The following TBC1D12 variants were observed in gnomAD, a reference collection of about 807,000 sequenced individuals.
TBC1D12 encodes TBC1 domain family member 12.
In TBC1D12, 56 loss-of-function variants were observed where a neutral mutation model predicts 86.7. The observed-to-expected ratio is 0.65, with a 90% CI of 0.52 to 0.81. TBC1D12 has a LOEUF of 0.81. Ranked by LOEUF, TBC1D12 falls within the 30% of genes least tolerant of loss-of-function variation. The pLI is 0.00. For missense variants in TBC1D12, 1,023 were observed against 1,038.8 expected (o/e 0.98, Z 0.21); for synonymous variants, 421 against 411.7 (o/e 1.02, Z -0.27).
At chr10:94,429,019 TAATAAAGAAC>T (rs2055182565) in intron 1 of TBC1D12, among the ~76,000 whole-genome samples, 1 of 152,178 alleles carries the variant, frequency 6.6e-6, no homozygotes, top group Non-Finnish European at 1.5e-5. Context: ...GATTGACTCT[TAATAAAGAAC>T]TCTGACCTGG....
At chr10:94,531,147 G>A in intron 11 of TBC1D12, 55 bp from the exon 12 acceptor site, 1 of 1,567,684 alleles carries the variant, frequency 6.4e-7, no homozygotes, top group African/African-American at 1.4e-5. Context: ...TGCTTACTGA[G>A]TAAATGAGTC....
chr10:94,429,045 CT>C (rs200788629), intron 1 of TBC1D12, among the ~76,000 whole-genome samples: 1,850 of 145,048 alleles, frequency 0.013, 28 homozygotes, highest in East Asian at 0.066. Flanking sequence ...CCTGGATAGT[CT>C]TTTTTTTTTT....
chr10:94,475,633 G>A (rs1487649128), intron 3 of TBC1D12, among the ~76,000 whole-genome samples: 5 of 151,922 alleles, frequency 3.3e-5, no homozygotes, highest in South Asian at 4.1e-4. Flanking sequence ...ACAGGGTTTC[G>A]CCATGTTGGC....
intron 9 of TBC1D12, among the ~76,000 whole-genome samples, chr10:94,519,409 A>G (rs746686506): frequency 1.6e-4 from 25 of 152,022 alleles, no homozygotes; most frequent in Non-Finnish European, 2.8e-4. Flanking sequence ...ACCACAAATT[A>G]GGCGAGGCGC....
intron 4 of TBC1D12, among the ~76,000 whole-genome samples, chr10:94,494,617 C>A (rs1425622942): frequency 1.3e-5 from 2 of 152,116 alleles, no homozygotes; most frequent in African/African-American, 2.4e-5. Flanking sequence ...GAACTTGGCT[C>A]ACTGCAGCCT....
At chr10:94,412,663 T>C (rs2134051561) in intron 1 of TBC1D12, among the ~76,000 whole-genome samples, 1 of 152,350 alleles carries the variant, frequency 6.6e-6, no homozygotes, top group South Asian at 2.1e-4. Flanking sequence ...ATACTTAGTA[T>C]GTTGTGGTAG....
intron 2 of TBC1D12, among the ~76,000 whole-genome samples, chr10:94,468,144 AC>A (rs1248171893): frequency 6.6e-5 from 10 of 152,162 alleles, no homozygotes; most frequent in Non-Finnish European, 1.5e-4. Flanking sequence ...TACTGCTGTT[AC>A]CTCCTTTCTA....
chr10:94,493,586 C>G (rs548389845), intron 4 of TBC1D12, 139 bp downstream of exon 4: 17 of 704,534 alleles, frequency 2.4e-5, no homozygotes, highest in East Asian at 2.8e-5. Context: ...GAGTCTTGCT[C>G]TGTTGCCCAG....
chr10:94,502,202 C>T (rs1213324088), intron 6 of TBC1D12, among the ~76,000 whole-genome samples: 1 of 151,906 alleles, frequency 6.6e-6, no homozygotes, highest in Non-Finnish European at 1.5e-5. Context: ...CGTGGTGGCG[C>T]ATGTCTGTAA....
chr10:94,450,627 G>C (rs78043148), intron 2 of TBC1D12, among the ~76,000 whole-genome samples: 1,578 of 152,136 alleles, frequency 0.01, 27 homozygotes, highest in East Asian at 0.06. Context: ...AGCTGAATTA[G>C]AAAACAGTAA....
intron 6 of TBC1D12, among the ~76,000 whole-genome samples, chr10:94,500,639 G>T (rs1277929932): frequency 6.6e-6 from 1 of 152,042 alleles, no homozygotes; most frequent in Non-Finnish European, 1.5e-5. Flanking sequence ...CAAGAAAAAA[G>T]AAAATAGTCA....
intron 2 of TBC1D12, among the ~76,000 whole-genome samples, chr10:94,445,835 C>A (rs1311762387): frequency 3.9e-5 from 6 of 151,946 alleles, no homozygotes; most frequent in African/African-American, 1.5e-4. Flanking sequence ...ATAATTCCAG[C>A]TGCTCGGAAG....
At chr10:94,483,039 CTTTTTT>C (rs71031579) in intron 3 of TBC1D12, among the ~76,000 whole-genome samples, 1 of 124,630 alleles carries the variant, frequency 8.0e-6, no homozygotes, top group Non-Finnish European at 1.6e-5. Context: ...TATTCTTCTT[CTTTTTT>C]TTTTTTTTTT....
intron 2 of TBC1D12, among the ~76,000 whole-genome samples, chr10:94,466,744 A>G (rs566684616): frequency 6.6e-5 from 10 of 152,190 alleles, no homozygotes; most frequent in Non-Finnish European, 1.3e-4. Context: ...TACATTTGTC[A>G]AAACTCAGAA....
chr10:94,487,103 A>G (rs991126207), intron 3 of TBC1D12, among the ~76,000 whole-genome samples: 2 of 151,966 alleles, frequency 1.3e-5, no homozygotes, highest in Admixed American at 1.3e-4. Flanking sequence ...GAAGTCTATT[A>G]TGTCTGACAT....
intron 3 of TBC1D12, among the ~76,000 whole-genome samples, chr10:94,480,827 T>C (rs1422122551): frequency 6.7e-6 from 1 of 149,898 alleles, no homozygotes; most frequent in Non-Finnish European, 1.5e-5. Flanking sequence ...TAGTGAGCCA[T>C]GATCACGCCA....
rs1311261952 is a variant in TBC1D12, at chr10:94,535,650, C to T, written c.*2554C>T. 6.6e-6 allele frequency: 1 copy of T among 152,132 alleles called. No individual in the cohort carries two copies. The highest frequency in any genetic ancestry group is 2.4e-5 in the African/African-American group (1 of 41,428). 9.4% of individuals were successfully genotyped at this position (152,132 alleles called of 1,614,324 possible). ...AGGTTTTAGAATGACCTTTTAACTC[C>T]AGTAACTACTTCCTTGGTATTGGTA... On this transcript the variant is annotated 3_prime_UTR_variant, in exon 13 of 13. Transcript: ENST00000225235.
At chr10:94,475,393 T>C (rs1027868090) in intron 3 of TBC1D12, among the ~76,000 whole-genome samples, 7 of 152,160 alleles carry the variant, frequency 4.6e-5, no homozygotes, top group African/African-American at 1.7e-4. Context: ...AGAATACATT[T>C]CTTATTTATT....
chr10:94,510,892 T>C (rs2056517540), intron 8 of TBC1D12, among the ~76,000 whole-genome samples: 1 of 152,154 alleles, frequency 6.6e-6, no homozygotes, highest in South Asian at 2.1e-4. Flanking sequence ...CCATTAAGAT[T>C]AAAATTATTA....
Sources: allele counts gnomAD v4.1 joint callset (sites outside exome capture counted in the v4.1 genomes callset), GRCh38; gene constraint gnomAD v4.1.1; transcripts MANE v1.5; gene names NCBI Gene and HGNC (gene_info 2026-07-23, HGNC 2026-07-21).